POM121: variants seen among roughly 807,000 people sequenced by gnomAD.
The protein encoded by POM121 is POM121 transmembrane nucleoporin, also known as nuclear envelope pore membrane protein POM 121.
POM121 carries 32 observed loss-of-function variants against 81.3 expected under a neutral mutation model. The observed-to-expected ratio is 0.39, with a 90% confidence interval of 0.30 to 0.53. The LOEUF is 0.53. Among genes scored for constraint, POM121 ranks in the 20% least tolerant of loss-of-function variants. POM121 has a pLI of 0.66. For missense variants in POM121, 1,138 were observed against 1,614.6 expected (o/e 0.70, Z 5.06); for synonymous variants, 514 against 694.2 (o/e 0.74, Z 4.08).
chr7:72,931,259 C>T (rs139437008), intron 5 of POM121, among the ~76,000 whole-genome samples: 52 of 152,128 alleles, frequency 3.4e-4, no homozygotes, highest in African/African-American at 1.2e-3. Context: ...ATTTTGATCC[C>T]AGCAGTCTTC....
chr7:72,907,627 C>T (rs1233589786), intron 3 of POM121, among the ~76,000 whole-genome samples: 2 of 152,048 alleles, frequency 1.3e-5, no homozygotes, highest in African/African-American at 4.8e-5. Flanking sequence ...TCTCCTGCTT[C>T]AGCCTGTTGA....
chr7:72,889,212 C>G (rs1414910003), intron 1 of POM121, among the ~76,000 whole-genome samples: 1 of 152,238 alleles, frequency 6.6e-6, no homozygotes, highest in African/African-American at 2.4e-5. Context: ...ATTTTATCAG[C>G]TCCTTTGGCC....
chr7:72,893,114 C>T (rs1380292333), intron 3 of POM121, among the ~76,000 whole-genome samples: 4 of 151,860 alleles, frequency 2.6e-5, no homozygotes, highest in South Asian at 2.1e-4. Context: ...TGCACCATCA[C>T]GCCCGGCCTA....
At chr7:72,927,091 C>G in intron 3 of POM121, 128 bp downstream of exon 3, 1 of 1,458,828 alleles carries the variant, frequency 6.9e-7, no homozygotes, top group Non-Finnish European at 9.4e-7. Context: ...CCTTCTTTGG[C>G]TTACATGGAG....
Position 72,948,166 on chromosome 7 carries a change from G to A in POM121, c.*1932G>A, listed in dbSNP as rs1263483265. On this transcript the variant is annotated 3_prime_UTR_variant, in exon 13 of 13. Coordinates refer to ENST00000434423, the MANE Select transcript of POM121 (RefSeq NM_001387691.1). ...GATGTGTACAGTACACGCACTGGACGGCAGCGGGAGGCTGGGACTTTCCAT... is the reference window on the plus strand; with the variant it reads ...GATGTGTACAGTACACGCACTGGACAGCAGCGGGAGGCTGGGACTTTCCAT... The A allele has an allele frequency of 2.0e-5, 28 of 1,433,368 alleles. No homozygotes were observed. Among genetic ancestry groups the A allele is most frequent in the Non-Finnish European group, 2.3e-5 (25 of 1,099,860 alleles). The allele number at this position is 1,433,368 out of a possible 1,614,324, so 88.8% of individuals were successfully genotyped here.
intron 3 of POM121, among the ~76,000 whole-genome samples, chr7:72,898,795 CA>C (rs36029915): frequency 0.032 from 1,852 of 57,284 alleles, 15 homozygotes; most frequent in East Asian, 0.09. Context: ...GAGACTGTCT[CA>C]AAAAAAAAAA....
intron 3 of POM121, 61 bp from the exon 4 acceptor site, chr7:72,928,324 A>G (rs1165078679): frequency 6.3e-7 from 1 of 1,590,546 alleles, no homozygotes; most frequent in Non-Finnish European, 8.6e-7. Flanking sequence ...ATATGAGAAT[A>G]CACTTTAAAG....
At chr7:72,900,971 G>T (rs1317468557) in intron 3 of POM121, among the ~76,000 whole-genome samples, 1 of 150,262 alleles carries the variant, frequency 6.7e-6, no homozygotes, top group East Asian at 2.0e-4. Flanking sequence ...TACTTTGGCT[G>T]CATCTCACAG....
downstream of POM121, chr7:72,948,448 C>G (rs759615955): frequency 1.9e-6 from 3 of 1,613,434 alleles, no homozygotes; most frequent in Non-Finnish European, 1.7e-6. Flanking sequence ...CAGGCATCTT[C>G]CTTTCCCACC....
chr7:72,948,824 C>G (rs534596174), downstream of POM121: 1 of 1,531,442 alleles, frequency 6.5e-7, no homozygotes, highest in East Asian at 2.3e-5. Context: ...AGAGAAACAG[C>G]CCCAATGCTG....
upstream of POM121, among the ~76,000 whole-genome samples, chr7:72,921,260 A>C (rs1291294801): frequency 6.6e-6 from 1 of 152,096 alleles, no homozygotes; most frequent in Non-Finnish European, 1.5e-5. Context: ...CCCATAAATA[A>C]ATGTTCAACC....
intron 3 of POM121, among the ~76,000 whole-genome samples, chr7:72,912,970 G>C (rs1554494527): frequency 1.3e-5 from 2 of 152,114 alleles, no homozygotes; most frequent in African/African-American, 4.8e-5. Flanking sequence ...TGATTTACAA[G>C]GCTCTTCATC....
At chr7:72,908,545 G>A (rs797033226) in intron 3 of POM121, among the ~76,000 whole-genome samples, 8 of 152,266 alleles carry the variant, frequency 5.3e-5, no homozygotes, top group African/African-American at 1.7e-4. Flanking sequence ...GCAGACAACC[G>A]GTTTGACCAA....
intron 3 of POM121, among the ~76,000 whole-genome samples, chr7:72,910,159 G>A (rs1232362388): frequency 2.0e-5 from 3 of 152,316 alleles, no homozygotes; most frequent in Admixed American, 1.3e-4. Context: ...TTTTGAGACT[G>A]AAGTAAATCT....
At chr7:72,901,629 AG>A (rs1792661563) in intron 3 of POM121, among the ~76,000 whole-genome samples, 3 of 151,870 alleles carry the variant, frequency 2.0e-5, no homozygotes, top group Admixed American at 1.3e-4. Flanking sequence ...CTGGGATTAC[AG>A]GCATGAGCCA....
chr7:72,898,979 C>CTTTTTTTTTTTTTT (rs1176371162), intron 3 of POM121, among the ~76,000 whole-genome samples: 6 of 34,100 alleles, frequency 1.8e-4, no homozygotes, highest in Admixed American at 4.5e-4. Context: ...CTTTTCTTTT[C>CTTTTTTTTTTTTTT]TTTTTTTTTT....
At chr7:72,892,606 C>A (rs1223087992) in intron 3 of POM121, among the ~76,000 whole-genome samples, 7 of 152,222 alleles carry the variant, frequency 4.6e-5, no homozygotes, top group African/African-American at 1.7e-4. Context: ...CGAGATAATA[C>A]ATATTTTCCC....
At chr7:72,907,299 A>G (rs1793341198) in intron 3 of POM121, among the ~76,000 whole-genome samples, 1 of 151,848 alleles carries the variant, frequency 6.6e-6, no homozygotes, top group African/African-American at 2.4e-5. Flanking sequence ...GCCCTTTTTT[A>G]TGGTATTGTT....
downstream of POM121, chr7:72,949,008 G>T (rs1202993393): frequency 6.2e-7 from 1 of 1,610,992 alleles, no homozygotes; most frequent in Admixed American, 1.7e-5. Context: ...TGAGCGCGTG[G>T]CACAGGGCTC....
Sources: gnomAD v4.1 joint callset for allele counts (sites outside exome capture counted in the v4.1 genomes callset) on GRCh38, gnomAD v4.1.1 for gene constraint, MANE v1.5 for transcripts, NCBI Gene and HGNC (gene_info 2026-07-23, HGNC 2026-07-21) for gene names.